MEGF11: variants seen among roughly 807,000 people sequenced by gnomAD.
MEGF11 encodes the protein multiple EGF like domains 11.
In MEGF11, 126 loss-of-function variants were observed where a neutral mutation model predicts 146.6. The observed-to-expected ratio is 0.86, with a 90% CI of 0.74 to 1.00. The LOEUF is 1.00. MEGF11 is among the 50% of genes least tolerant of loss of function. The pLI is 0.00. For missense variants in MEGF11, 1,509 were observed against 1,521.2 expected, an observed-to-expected ratio of 0.99 and a Z score of 0.13; for synonymous variants, 532 against 583.4, an observed-to-expected ratio of 0.91 and a Z score of 1.27.
At chr15:65,986,886 C>A (rs970984797) in intron 5 of MEGF11, among the ~76,000 whole-genome samples, 1 of 145,656 alleles carries the variant, frequency 6.9e-6, no homozygotes, top group Non-Finnish European at 1.5e-5. Flanking sequence ...CAACCTCTGT[C>A]TCCTGGGTTC....
In MEGF11 at chr15:65,970,627, A is replaced by G. The variant is rs771789488; in HGVS notation, c.825T>C (p.Cys275=). The G allele has an allele frequency of 1.2e-6, 2 of 1,613,634 alleles. No individual in the cohort carries two copies. Among genetic ancestry groups the G allele is most frequent in the Non-Finnish European group, 1.7e-6 (2 of 1,179,796 alleles). ...CACACTGCCCTCCATGGTGGCAAGGACAATCCTGGCTGCAGTTCTGGCCAA... is the reference window on the plus strand; with the variant it reads ...CACACTGCCCTCCATGGTGGCAAGGGCAATCCTGGCTGCAGTTCTGGCCAA... ...GTFGQNCSQD[C]PCHHGGQCDH... Residue 275 remains cysteine (C), a synonymous_variant, in exon 8 of 26, where the codon TGT becomes TGC. Transcript: ENST00000395614.
chr15:66,217,420 C>T (rs1597157148), intron 1 of MEGF11, among the ~76,000 whole-genome samples: 1 of 152,238 alleles, frequency 6.6e-6, no homozygotes, highest in East Asian at 1.9e-4. Context: ...CACAAAAGGA[C>T]AGCTATGCAG....
chr15:66,007,648 G>A (rs912797629), intron 5 of MEGF11, among the ~76,000 whole-genome samples: 12 of 152,196 alleles, frequency 7.9e-5, no homozygotes, highest in African/African-American at 2.9e-4. Flanking sequence ...TACTACTCCA[G>A]AAGCTGAGGA....
Position 65,996,934 on chromosome 15 carries a change from C to T in MEGF11, c.395-14446G>A, listed in dbSNP as rs78637110. On this transcript the variant is annotated intron_variant, in intron 5 of 25. Transcript: ENST00000395614. Reference sequence around the variant, plus strand: ...TTGGAGAGTTGAGACCCCAGGTCCACCCAGCATTCTCCATGGCGCCACTTC... The same window carrying T: ...TTGGAGAGTTGAGACCCCAGGTCCATCCAGCATTCTCCATGGCGCCACTTC... 3.4e-4 allele frequency among the ~76,000 whole-genome samples: 52 copies of T among 152,352 alleles called. No homozygotes were observed. The East Asian group carries it at 9.6e-3, about 28-fold the overall frequency.
Position 66,151,990 on chromosome 15 carries a change from G to A in MEGF11, c.-8-23579C>T, listed in dbSNP as rs535846473. On this transcript the variant is annotated intron_variant, in intron 1 of 25. Transcript: ENST00000395614. ...GGGGCAGGGTGTGCAGGCAGATGCA[G>A]CAGCACCGCCCTTCACCCCTCCCAC... is the stretch of plus-strand genomic sequence containing the variant. Among the ~76,000 whole-genome samples, 119 of 152,358 alleles carry A rather than the reference G, an allele frequency of 7.8e-4. 1 individual carries two copies. The highest frequency in any genetic ancestry group is 2.7e-3 in the African/African-American group (112 of 41,588).
intron 10 of MEGF11, among the ~76,000 whole-genome samples, chr15:65,942,519 T>TTGA (rs58727647): frequency 0.1 from 15,878 of 151,908 alleles, 1,607 homozygotes; most frequent in East Asian, 0.59. Flanking sequence ...GAAAGCTGGT[T>TTGA]TGATGATGAT....
At chr15:66,135,718 C>A (rs2088858821) in intron 1 of MEGF11, among the ~76,000 whole-genome samples, 1 of 152,158 alleles carries the variant, frequency 6.6e-6, no homozygotes, top group Admixed American at 6.5e-5. Context: ...AGGGAGAGAA[C>A]CTTTCACAAG....
At chr15:65,944,217 C>G (rs2080108989) in intron 10 of MEGF11, among the ~76,000 whole-genome samples, 1 of 152,092 alleles carries the variant, frequency 6.6e-6, no homozygotes, top group African/African-American at 2.4e-5. Context: ...TTGGAGCTTT[C>G]TGTTTAGTAG....
chr15:66,231,072 T>C (rs2091958373), intron 1 of MEGF11, among the ~76,000 whole-genome samples: 1 of 151,566 alleles, frequency 6.6e-6, no homozygotes. Context: ...TTTTAGAAAA[T>C]ACTAGGTTAA....
At chr15:66,084,351 C>A (rs759354832) in intron 5 of MEGF11, among the ~76,000 whole-genome samples, 3 of 152,132 alleles carry the variant, frequency 2.0e-5, no homozygotes, top group African/African-American at 7.2e-5. Context: ...CCGGACAATG[C>A]GGCGGCTTGC....
intron 9 of MEGF11, among the ~76,000 whole-genome samples, chr15:65,963,445 A>C (rs1428559291): frequency 1.3e-5 from 2 of 152,204 alleles, no homozygotes; most frequent in African/African-American, 4.8e-5. Flanking sequence ...CTTCTCCTCT[A>C]CATTTTCACA....
chr15:65,971,959 T>C (rs2081312437), intron 7 of MEGF11, among the ~76,000 whole-genome samples: 1 of 152,070 alleles, frequency 6.6e-6, no homozygotes, highest in Middle Eastern at 3.2e-3. Flanking sequence ...TAAGAAAACA[T>C]TGCACCTATG....
intron 1 of MEGF11, among the ~76,000 whole-genome samples, chr15:66,151,294 C>T (rs999369575): frequency 6.6e-6 from 1 of 152,224 alleles, no homozygotes; most frequent in Non-Finnish European, 1.5e-5. Context: ...CCAACACAAC[C>T]TTCTTCCTCG....
intron 1 of MEGF11, among the ~76,000 whole-genome samples, chr15:66,188,093 C>G (rs755014468): frequency 1.3e-4 from 19 of 151,830 alleles, no homozygotes; most frequent in Admixed American, 2.6e-4. Flanking sequence ...AGCAGCATCC[C>G]TGGCCTCTAT....
chr15:66,074,067 T>A (rs1349337833), intron 5 of MEGF11, among the ~76,000 whole-genome samples: 1 of 152,242 alleles, frequency 6.6e-6, no homozygotes. Flanking sequence ...TCATTTTAGA[T>A]GAAAAACATT....
intron 5 of MEGF11, among the ~76,000 whole-genome samples, chr15:66,086,405 G>T (rs1179412945): frequency 6.6e-6 from 1 of 152,226 alleles, no homozygotes; most frequent in Non-Finnish European, 1.5e-5. Context: ...TAAGGGCTGT[G>T]AGACAGAAGC....
intron 1 of MEGF11, among the ~76,000 whole-genome samples, chr15:66,145,833 G>C (rs796827478): frequency 6.6e-6 from 1 of 152,152 alleles, no homozygotes; most frequent in Non-Finnish European, 1.5e-5. Flanking sequence ...TTAATCTTGC[G>C]GGGGATCTGT....
chr15:66,122,893 C>T (rs1567252508), intron 3 of MEGF11, among the ~76,000 whole-genome samples: 1 of 152,170 alleles, frequency 6.6e-6, no homozygotes, highest in Non-Finnish European at 1.5e-5. Flanking sequence ...ATGCCATTCT[C>T]TTGCCTCAGC....
chr15:66,048,499 G>A (rs980114271), intron 5 of MEGF11, among the ~76,000 whole-genome samples: 4 of 152,238 alleles, frequency 2.6e-5, no homozygotes, highest in African/African-American at 9.6e-5. Flanking sequence ...AGCCATGTGA[G>A]CAAGTCTGCT....
Sources: gnomAD v4.1 joint callset for allele counts (sites outside exome capture counted in the v4.1 genomes callset) on GRCh38, gnomAD v4.1.1 for gene constraint, MANE v1.5 for transcripts, NCBI Gene and HGNC (gene_info 2026-07-23, HGNC 2026-07-21) for gene names.